The following SLC26A8 variants were observed in gnomAD, a reference collection of about 807,000 sequenced individuals.
SLC26A8 encodes testis anion transporter 1.
In SLC26A8, 70 loss-of-function variants were observed where a neutral mutation model predicts 105.0. That is an observed-to-expected ratio of 0.67 (90% CI 0.55 to 0.81). The LOEUF (loss-of-function observed/expected upper bound fraction) is 0.81. Among genes scored for constraint, SLC26A8 ranks in the 40% least tolerant of loss-of-function variants. The pLI is 0.00. For missense variants in SLC26A8, 998 were observed against 1,181.8 expected (o/e 0.84, Z 2.28); for synonymous variants, 415 against 438.3 (o/e 0.95, Z 0.66).
chr6:36,006,400 G>A (rs1024199748), intron 3 of SLC26A8, among the ~76,000 whole-genome samples: 2 of 152,190 alleles, frequency 1.3e-5, no homozygotes, highest in Non-Finnish European at 2.9e-5. Flanking sequence ...GATTACAGGT[G>A]TGAGCTACCA....
At chr6:35,978,514 A>C (rs1773133183) in intron 8 of SLC26A8, among the ~76,000 whole-genome samples, 1 of 152,152 alleles carries the variant, frequency 6.6e-6, no homozygotes, top group Non-Finnish European at 1.5e-5. Flanking sequence ...ACGCTTATTC[A>C]TTCTTTTGAT....
At chr6:35,951,102 C>CCCCAACCCCCCCAGGCCACAAAA in intron 19 of SLC26A8, 61 bp downstream of exon 19, 1 of 1,356,466 alleles carries the variant, frequency 7.4e-7, no homozygotes, top group Non-Finnish European at 1.0e-6. Context: ...CCACCCCTCA[C>CCCCAACCCCCCCAGGCCACAAAA]CCATCCCCCC....
intron 8 of SLC26A8, among the ~76,000 whole-genome samples, chr6:35,978,844 C>CTTTTT (rs370881691): frequency 9.9e-5 from 14 of 140,838 alleles, no homozygotes; most frequent in Non-Finnish European, 2.0e-4. Flanking sequence ...TCTTCTTCTT[C>CTTTTT]TTTTTTTTTT....
intron 19 of SLC26A8, among the ~76,000 whole-genome samples, chr6:35,950,449 G>A (rs756551037): frequency 5.9e-5 from 9 of 151,890 alleles, no homozygotes; most frequent in Non-Finnish European, 8.8e-5. Flanking sequence ...ACCATGCCTG[G>A]CTAATTTTTG....
chr6:35,992,787 T>G, intron 5 of SLC26A8, 113 bp from the exon 6 acceptor site: 1 of 1,072,790 alleles, frequency 9.3e-7, no homozygotes, highest in Non-Finnish European at 1.3e-6. Context: ...GATAGGCCCC[T>G]TTGGTAACTC....
At chr6:35,998,030 T>A (rs1253886469) in intron 4 of SLC26A8, 111 bp from the exon 5 acceptor site, 1 of 1,073,614 alleles carries the variant, frequency 9.3e-7, no homozygotes, top group African/African-American at 1.6e-5. Flanking sequence ...GAATAACTTT[T>A]CTCATTTGAA....
At chr6:35,998,625 T>C (rs1337512213) in intron 4 of SLC26A8, among the ~76,000 whole-genome samples, 1 of 151,522 alleles carries the variant, frequency 6.6e-6, no homozygotes, top group African/African-American at 2.4e-5. Flanking sequence ...AAAATAATAC[T>C]GACACTGAGG....
In SLC26A8 at chr6:35,951,362, C is replaced by G; in HGVS notation, c.2288-15G>C. The G allele has an allele frequency of 3.1e-6, 5 of 1,614,030 alleles. No individual in the cohort carries two copies. The highest frequency in any genetic ancestry group is 3.4e-6 in the Non-Finnish European group (4 of 1,180,004). On this transcript the variant is annotated splice_polypyrimidine_tract_variant and intron_variant, in intron 18 of 19. Coordinates refer to ENST00000490799, the MANE Select transcript of SLC26A8 (RefSeq NM_052961.4). ...GACTATGGAAGCTAAAAACCAAACC[C>G]AGAACACACACAATGTCAGATACTT... is the stretch of plus-strand genomic sequence containing the variant.
At chr6:36,017,217 GAA>G (rs1762018551) in intron 2 of SLC26A8, among the ~76,000 whole-genome samples, 4 of 139,728 alleles carry the variant, frequency 2.9e-5, no homozygotes, top group African/African-American at 5.4e-5. Context: ...AAGGAGAAAA[GAA>G]AAGAAAAGAA....
intron 19 of SLC26A8, among the ~76,000 whole-genome samples, chr6:35,948,468 A>G (rs1278074513): frequency 6.6e-6 from 1 of 152,158 alleles, no homozygotes; most frequent in Non-Finnish European, 1.5e-5. Flanking sequence ...GCATGCCTGT[A>G]AGCCCAGCTA....
intron 1 of SLC26A8, among the ~76,000 whole-genome samples, chr6:36,020,535 C>T (rs914452637): frequency 2.6e-5 from 4 of 152,138 alleles, no homozygotes; most frequent in Non-Finnish European, 5.9e-5. Context: ...GGGAGGATCA[C>T]CTGAGCCCAG....
chr6:35,951,074 C>A, intron 19 of SLC26A8, 89 bp downstream of exon 19: 2 of 1,295,512 alleles, frequency 1.5e-6, no homozygotes, highest in South Asian at 1.3e-5. Flanking sequence ...ATCAGGAATC[C>A]TGACTCCCAG....
chr6:35,962,560 A>G lies in SLC26A8; in HGVS notation c.1427T>C (p.Leu476Pro), dbSNP rs1309398575. 6.2e-7 allele frequency: 1 copy of G among 1,614,098 alleles called. No individual in the cohort carries two copies. The highest frequency in any genetic ancestry group is 8.5e-7 in the Non-Finnish European group (1 of 1,179,996). Reference sequence around the variant, plus strand: ...TTGGTCCTGCCTCCACAGGCTGGGTAGGTTAGAAATGGTTTCAAGGTAGGG... The same window carrying G: ...TTGGTCCTGCCTCCACAGGCTGGGTGGGTTAGAAATGGTTTCAAGGTAGGG... ...VIPYLETISN[L>P]PSLWRQDQYD... The change falls in exon 12 of 20, where the codon CTA becomes CCA. Residue 476 changes from leucine to proline, a missense_variant. By Grantham distance (98) the Leu-to-Pro change is moderately conservative (BLOSUM62 -3). Transcript: ENST00000490799.
chr6:36,019,005 C>G (rs1014461124), intron 2 of SLC26A8, among the ~76,000 whole-genome samples: 1 of 152,188 alleles, frequency 6.6e-6, no homozygotes, highest in Non-Finnish European at 1.5e-5. Context: ...CGACCCACTA[C>G]AACCTCCGCC....
At chr6:35,997,483 C>A (rs927660220) in intron 5 of SLC26A8, among the ~76,000 whole-genome samples, 4 of 152,074 alleles carry the variant, frequency 2.6e-5, no homozygotes, top group African/African-American at 9.7e-5. Context: ...TCCCTTAGAC[C>A]CTTTGTCTTA....
chr6:35,985,692 CAA>C (rs58199602), intron 7 of SLC26A8, among the ~76,000 whole-genome samples: 2,546 of 46,846 alleles, frequency 0.054, 94 homozygotes, highest in African/African-American at 0.21. Context: ...GACTCCGTCT[CAA>C]AAAAAAAAAA....
At chr6:35,960,815 G>A (rs1772278622) in intron 14 of SLC26A8, 28 bp downstream of exon 14, 3 of 1,608,466 alleles carry the variant, frequency 1.9e-6, no homozygotes, top group Non-Finnish European at 2.6e-6. Context: ...CCCTTAGGCA[G>A]AGAAATGGGA....
intron 8 of SLC26A8, among the ~76,000 whole-genome samples, chr6:35,980,060 A>C (rs1480683848): frequency 6.6e-6 from 1 of 152,000 alleles, no homozygotes; most frequent in Non-Finnish European, 1.5e-5. Flanking sequence ...GCAACCTCCA[A>C]CTCCCGGGTT....
intron 3 of SLC26A8, among the ~76,000 whole-genome samples, chr6:36,004,822 T>G (rs1266514554): frequency 1.0e-5 from 1 of 98,374 alleles, no homozygotes; most frequent in Non-Finnish European, 2.3e-5. Context: ...CTAGTTAAAT[T>G]TTTTTTTTTT....
Sources: gnomAD v4.1 joint callset for allele counts (sites outside exome capture counted in the v4.1 genomes callset) on GRCh38, gnomAD v4.1.1 for gene constraint, MANE v1.5 for transcripts, NCBI Gene and HGNC (gene_info 2026-07-23, HGNC 2026-07-21) for gene names.